PGAP1: variants seen among roughly 807,000 people sequenced by gnomAD.
PGAP1 encodes the protein post-GPI attachment to proteins inositol deacylase 1, also known as GPI inositol-deacylase.
A neutral mutation model predicts 127.0 loss-of-function variants in PGAP1; 76 were observed. That is an observed-to-expected ratio of 0.60 (90% CI 0.50 to 0.72). PGAP1 has a LOEUF of 0.72. Among genes scored for constraint, PGAP1 ranks in the 30% least tolerant of loss-of-function variants. The pLI, the probability that PGAP1 is intolerant of heterozygous loss-of-function variation, is 0.00. For missense variants in PGAP1, 982 were observed against 1,071.3 expected (o/e 0.92, Z 1.16); for synonymous variants, 362 against 366.5 (o/e 0.99, Z 0.14).
At chr2:196,891,588 C>T (rs565006874) in intron 9 of PGAP1, among the ~76,000 whole-genome samples, 1 of 152,040 alleles carries the variant, frequency 6.6e-6, no homozygotes, top group African/African-American at 2.4e-5. Flanking sequence ...TGTGAGCCAA[C>T]TCACCATTCT....
intron 20 of PGAP1, among the ~76,000 whole-genome samples, chr2:196,857,001 T>C (rs189607578): frequency 6.6e-6 from 1 of 152,212 alleles, no homozygotes; most frequent in Non-Finnish European, 1.5e-5. Context: ...TTTATTCTTT[T>C]TGTGGCAGTT....
intron 20 of PGAP1, among the ~76,000 whole-genome samples, chr2:196,850,514 G>A (rs1700686451): frequency 6.6e-6 from 1 of 152,184 alleles, no homozygotes; most frequent in Non-Finnish European, 1.5e-5. Context: ...TCTTGGGGAT[G>A]TCTTAAAACT....
At chr2:196,887,364 A>T (rs1426105823) in intron 10 of PGAP1, among the ~76,000 whole-genome samples, 1 of 152,188 alleles carries the variant, frequency 6.6e-6, no homozygotes, top group East Asian at 1.9e-4. Context: ...AGCCTGGGCG[A>T]CAGAGCGAGA....
At chr2:196,862,361 C>A (rs1559339339) in intron 20 of PGAP1, among the ~76,000 whole-genome samples, 1 of 152,104 alleles carries the variant, frequency 6.6e-6, no homozygotes. Flanking sequence ...GCTCTCAAAA[C>A]CCTGTCTCCT....
intron 13 of PGAP1, 95 bp downstream of exon 13, chr2:196,879,981 A>G: frequency 1.2e-6 from 1 of 853,238 alleles, no homozygotes; most frequent in Non-Finnish European, 1.9e-6. Flanking sequence ...CTACTGTTTT[A>G]GATAAACTGT....
At chr2:196,919,939 A>G in intron 2 of PGAP1, 58 bp downstream of exon 2, 1 of 1,527,200 alleles carries the variant, frequency 6.5e-7, no homozygotes, top group Non-Finnish European at 8.9e-7. Flanking sequence ...TATGGATATG[A>G]TTCAAATTCT....
intron 17 of PGAP1, 90 bp from the exon 18 acceptor site, chr2:196,872,639 TA>T: frequency 2.3e-6 from 2 of 879,136 alleles, no homozygotes; most frequent in South Asian, 3.0e-5. Context: ...TACAACTGAA[TA>T]ATGTAGAGGA....
At chr2:196,919,033 A>G (rs1484700267) in intron 2 of PGAP1, among the ~76,000 whole-genome samples, 2 of 152,068 alleles carry the variant, frequency 1.3e-5, no homozygotes, top group Admixed American at 1.3e-4. Context: ...CCTCCAATGC[A>G]CAAAACACGT....
chr2:196,875,851 AAAGT>A, intron 13 of PGAP1, 30 bp from the exon 14 acceptor site: 2 of 1,156,028 alleles, frequency 1.7e-6, no homozygotes, highest in Non-Finnish European at 2.5e-6. Context: ...TTTATTAGAA[AAAGT>A]AAGTTAAATT....
At chr2:196,882,303 T>C (rs1275108634) in intron 12 of PGAP1, among the ~76,000 whole-genome samples, 1 of 152,196 alleles carries the variant, frequency 6.6e-6, no homozygotes, top group East Asian at 1.9e-4. Context: ...GCTTTGTTCT[T>C]TTTGCTTAGG....
intron 3 of PGAP1, among the ~76,000 whole-genome samples, chr2:196,913,464 T>G (rs753259114): frequency 2.0e-5 from 3 of 152,260 alleles, no homozygotes; most frequent in African/African-American, 4.8e-5. Context: ...ACAGTTGCGA[T>G]AGCAATATAT....
intron 12 of PGAP1, 114 bp from the exon 13 acceptor site, chr2:196,880,267 C>CAA (rs1559350517): frequency 1.5e-6 from 1 of 655,854 alleles, no homozygotes; most frequent in Non-Finnish European, 2.5e-6. Context: ...AGCAGGCTTC[C>CAA]AATTTATGTT....
In PGAP1 at chr2:196,904,713, C is replaced by A. The variant is rs1214193166; in HGVS notation, c.650-1971G>T. On this transcript the variant is annotated intron_variant, in intron 4 of 26. Transcript: ENST00000354764. ...ACTGCACTCCAGCCTGGCAACAGAG[C>A]GTGACTGTCTCAAAAAAAAAAATAA... Among the ~76,000 whole-genome samples the A allele has an allele frequency of 2.6e-5, 4 of 151,778 alleles. No individual in the cohort carries two copies. In the East Asian group the frequency reaches 7.8e-4, roughly 29 times the overall value.
At chr2:196,867,826 A>G (rs1701291284) in intron 19 of PGAP1, among the ~76,000 whole-genome samples, 1 of 152,190 alleles carries the variant, frequency 6.6e-6, no homozygotes, top group Non-Finnish European at 1.5e-5. Context: ...TCCCTCCATG[A>G]ATTCCCAGGT....
chr2:196,860,120 T>C (rs1178036892), intron 20 of PGAP1, among the ~76,000 whole-genome samples: 1 of 150,290 alleles, frequency 6.7e-6, no homozygotes, highest in Non-Finnish European at 1.5e-5. Context: ...ACCTGAAAAC[T>C]CCACCAAAAA....
chr2:196,919,387 C>T (rs538366699), intron 2 of PGAP1, among the ~76,000 whole-genome samples: 35 of 152,300 alleles, frequency 2.3e-4, no homozygotes, highest in African/African-American at 8.4e-4. Context: ...AGTCTCATTA[C>T]ATAACAATTC....
intron 19 of PGAP1, among the ~76,000 whole-genome samples, chr2:196,866,793 T>C (rs547293618): frequency 1.4e-4 from 22 of 151,764 alleles, no homozygotes; most frequent in African/African-American, 2.2e-4. Flanking sequence ...AACAACCTCA[T>C]CAAAAAGTGG....
chr2:196,866,977 A>G (rs1242327049), intron 19 of PGAP1, among the ~76,000 whole-genome samples: 2 of 152,248 alleles, frequency 1.3e-5, no homozygotes, highest in Non-Finnish European at 2.9e-5. Flanking sequence ...TTAAAAAGTC[A>G]GGAAACAATA....
In PGAP1 at chr2:196,842,835, TA is replaced by T. The variant is rs746976577; in HGVS notation, c.2526-11del. The T allele has an allele frequency of 1.5e-5, 19 of 1,308,142 alleles. No individual in the cohort carries two copies. The highest frequency in any genetic ancestry group is 5.6e-5 in the South Asian group (4 of 71,772). 81.0% of individuals were successfully genotyped at this position (1,308,142 alleles called of 1,614,324 possible). A position where few individuals can be genotyped will look rare whatever the true frequency, so the allele number is the denominator to read the frequency against. On this transcript the variant is annotated splice_polypyrimidine_tract_variant and intron_variant, in intron 25 of 26. Transcript: ENST00000354764. Reference sequence around the variant, plus strand: ...AAGTTTAAAATAATACCTATAATATTAAAAAAAGAAACCCACAAATCAACAA... The same window carrying T: ...AAGTTTAAAATAATACCTATAATATTAAAAAAGAAACCCACAAATCAACAA...
Sources: gnomAD v4.1 joint callset for allele counts (sites outside exome capture counted in the v4.1 genomes callset) on GRCh38, gnomAD v4.1.1 for gene constraint, MANE v1.5 for transcripts, NCBI Gene and HGNC (gene_info 2026-07-23, HGNC 2026-07-21) for gene names.